Variants in HOXD3 observed in about 807,000 individuals in gnomAD.
The protein encoded by HOXD3 is homeobox D3.
HOXD3 carries 13 observed loss-of-function variants against 32.8 expected under a neutral mutation model. That is an observed-to-expected ratio of 0.40 (90% confidence interval 0.26 to 0.63). The LOEUF is 0.63. HOXD3 is among the 20% of genes least tolerant of loss of function. The probability of loss-of-function intolerance (pLI) is 0.44; values close to 1 mark genes in which losing one functional copy is unlikely to be tolerated. For synonymous variants in HOXD3, 241 were observed against 246.8 expected (o/e 0.98, Z 0.22); for missense variants, 504 against 577.1 (o/e 0.87, Z 1.30).
chr2:176,169,685 C>G, intron 3 of HOXD3, 30 bp downstream of exon 3: 1 of 1,548,254 alleles, frequency 6.5e-7, no homozygotes, highest in Non-Finnish European at 8.7e-7. Context: ...TACTGCCAGA[C>G]CAAGCCCCCT....
rs1046260559 is a variant in HOXD3, at chr2:176,159,330, G to A, written c.-181+1878G>A. 7.9e-5 allele frequency among the ~76,000 whole-genome samples: 12 copies of A among 152,306 alleles called. No homozygotes were observed. In the East Asian group the frequency reaches 1.7e-3, roughly 22 times the overall value. On this transcript the variant is annotated intron_variant, in intron 1 of 3. Coordinates refer to ENST00000683222, the MANE Select transcript of HOXD3 (RefSeq NM_006898.5). ...GCCAGGTGAACAAAAGGATGGGCTC[G>A]TAGACGGTTCTGGGGGCTCGGGCCT...
upstream of HOXD3, chr2:176,153,173 C>G: frequency 3.5e-6 from 2 of 571,250 alleles, no homozygotes. Flanking sequence ...TATTATATGG[C>G]AGGAGCTACT....
At position 176,172,051 on chromosome 2, in the gene HOXD3, G is replaced by A. The variant is rs779014581; in HGVS notation, c.1076G>A (p.Gly359Asp). 3 of 1,609,066 alleles carry A rather than the reference G, an allele frequency of 1.9e-6. No homozygotes were observed. The East Asian group carries it at 6.7e-5, about 36-fold the overall frequency. The change falls in exon 4 of 4, where the codon GGC becomes GAC. Residue 359 changes from glycine (G) to aspartate (D), a missense_variant. Gly to Asp is a moderately conservative substitution (Grantham distance 94). Coordinates refer to ENST00000683222, the MANE Select transcript of HOXD3 (RefSeq NM_006898.5). Reference protein sequence around the residue: ...ANLQGSPVYVGGNFVESMAPA... With the variant: ...ANLQGSPVYVDGNFVESMAPA... ...TTGCAGGGCAGCCCGGTGTACGTGG[G>A]CGGCAACTTCGTCGAGTCCATGGCG...
At chr2:176,152,566 G>T (rs1006795605), upstream of HOXD3, 4 of 1,544,006 alleles carry the variant, frequency 2.6e-6, no homozygotes, top group Non-Finnish European at 3.6e-6. This position sits in a 1 kb window ranked among gnomAD's most constrained non-coding sequence, Gnocchi z 5.2. Flanking sequence ...CTAACTAGTG[G>T]CCGGGCGCTG....
At chr2:176,161,511 CTG>C (rs1690802349) in intron 1 of HOXD3, among the ~76,000 whole-genome samples, 1 of 152,132 alleles carries the variant, frequency 6.6e-6, no homozygotes, top group African/African-American at 2.4e-5. Flanking sequence ...CATATTAATT[CTG>C]TGTCTTGAGC....
At position 176,171,713 on chromosome 2, in the gene HOXD3, C is replaced by T. The variant is rs755734800; in HGVS notation, c.738C>T (p.Arg246=). 1 of 1,614,136 alleles carries T rather than the reference C, an allele frequency of 6.2e-7. No individual in the cohort carries two copies. The highest frequency in any genetic ancestry group is 1.1e-5 in the South Asian group (1 of 91,078). Residue 246 remains arginine, a synonymous_variant, in exon 4 of 4, where the codon CGC becomes CGT. Coordinates refer to ENST00000683222, the MANE Select transcript of HOXD3 (RefSeq NM_006898.5). ...TCAAGATCTGGTTCCAGAACCGGCG[C>T]ATGAAGTACAAGAAGGACCAGAAGG... ...RQIKIWFQNR[R]MKYKKDQKAK... is the part of the protein sequence containing the mutation.
At chr2:176,152,560 C>G, upstream of HOXD3, 2 of 1,506,790 alleles carry the variant, frequency 1.3e-6, no homozygotes, top group Non-Finnish European at 1.8e-6. The surrounding 1 kb of genome is among the most constrained non-coding windows in gnomAD (Gnocchi z 5.2). Flanking sequence ...AGGGGCCTAA[C>G]TAGTGGCCGG....
Position 176,171,586 on chromosome 2 carries a change from C to T in HOXD3, c.611C>T (p.Ala204Val), listed in dbSNP as rs1225066883. ...CGGGTACGCACGGCATACACGAGCG[C>T]GCAGCTGGTGGAATTGGAAAAGGAA... Reference protein sequence around the residue: ...SKRVRTAYTSAQLVELEKEFH... With the variant: ...SKRVRTAYTSVQLVELEKEFH... Residue 204 changes from alanine (A) to valine (V), a missense_variant, in exon 4 of 4, where the codon GCG (alanine) becomes GTG (valine). Ala to Val is a moderately conservative substitution (Grantham distance 64). Coordinates refer to ENST00000683222, the MANE Select transcript of HOXD3 (RefSeq NM_006898.5). 3 of 1,613,644 alleles carry T rather than the reference C, an allele frequency of 1.9e-6. No homozygotes were observed. The South Asian group carries it at 3.3e-5, about 18-fold the overall frequency.
Position 176,169,283 on chromosome 2 carries a change from A to G in HOXD3, c.169A>G (p.Ser57Gly), listed in dbSNP as rs765292594. ...HQPYPPPAAASSLDTDYPGSA... is the reference protein window; with the variant it reads ...HQPYPPPAAAGSLDTDYPGSA... ...GCCCTACCCACCCCCTGCTGCTGCC[A>G]GCTCCCTGGACACTGACTATCCAGG... Residue 57 changes from serine to glycine, a missense_variant, in exon 3 of 4, where the codon AGC becomes GGC. By Grantham distance (56) the Ser-to-Gly change is moderately conservative (BLOSUM62 0). Around this residue, in one of 3 missense-constraint regions of HOXD3, gnomAD observed 181 missense variants for 172.2 expected, o/e 1.05. Coordinates refer to ENST00000683222, the MANE Select transcript of HOXD3 (RefSeq NM_006898.5). 2 of 1,613,632 alleles carry G rather than the reference A, an allele frequency of 1.2e-6. No individual in the cohort carries two copies. Among genetic ancestry groups the G allele is most frequent in the Non-Finnish European group, 1.7e-6 (2 of 1,179,908 alleles).
upstream of HOXD3, among the ~76,000 whole-genome samples, chr2:176,156,866 G>T (rs1296520135): frequency 2.6e-5 from 4 of 152,204 alleles, no homozygotes; most frequent in Non-Finnish European, 5.9e-5. Flanking sequence ...GGAAGGGCTT[G>T]CCCCAGACGC....
chr2:176,170,774 G>A (rs1018699628), intron 3 of HOXD3, among the ~76,000 whole-genome samples: 3 of 152,100 alleles, frequency 2.0e-5, no homozygotes, highest in African/African-American at 7.2e-5. Context: ...CTGGGAGGGA[G>A]TGGACAAGCA....
chr2:176,169,216 C>T lies in HOXD3; in HGVS notation c.102C>T (p.Tyr34=), dbSNP rs764816105. The part of the protein sequence containing the change: ...ENPGLFGGYG[Y]SKTTDTYGYS... ...CAGGACTGTTTGGAGGCTATGGCTA[C>T]AGCAAAACTACGGACACTTACGGCT... is the stretch of plus-strand genomic sequence containing the variant. Residue 34 remains tyrosine, a synonymous_variant, in exon 3 of 4, where the codon TAC becomes TAT. Transcript: ENST00000683222. The T allele has an allele frequency of 6.2e-7, 1 of 1,614,128 alleles. No homozygotes were observed. The highest frequency in any genetic ancestry group is 8.5e-7 in the Non-Finnish European group (1 of 1,180,020).
intron 1 of HOXD3, among the ~76,000 whole-genome samples, chr2:176,162,432 T>G (rs1263653427): frequency 6.6e-6 from 1 of 152,198 alleles, no homozygotes; most frequent in Non-Finnish European, 1.5e-5. Context: ...AGCTCTTCCT[T>G]GACAGCTCAC....
At chr2:176,156,220 C>T (rs1486479071), upstream of HOXD3, among the ~76,000 whole-genome samples, 1 of 152,130 alleles carries the variant, frequency 6.6e-6, no homozygotes, top group African/African-American at 2.4e-5. Flanking sequence ...AAGGTTAAAC[C>T]ATGTAAGGCT....
At chr2:176,162,227 T>C (rs1690831917) in intron 1 of HOXD3, among the ~76,000 whole-genome samples, 2 of 152,268 alleles carry the variant, frequency 1.3e-5, no homozygotes, top group Admixed American at 1.3e-4. Flanking sequence ...GCCTTGAAGC[T>C]GCGCGCCTGC....
upstream of HOXD3, among the ~76,000 whole-genome samples, chr2:176,156,983 C>G (rs1442557671): frequency 6.6e-6 from 1 of 151,994 alleles, no homozygotes; most frequent in East Asian, 1.9e-4. Context: ...CCGTGCCCAC[C>G]AATACATCAA....
At chr2:176,168,715 T>C (rs1241787951) in intron 2 of HOXD3, among the ~76,000 whole-genome samples, 3 of 152,200 alleles carry the variant, frequency 2.0e-5, no homozygotes, top group East Asian at 3.9e-4. Context: ...GAAATAGCTA[T>C]TAATACTGCA....
chr2:176,160,236 A>C (rs1268551346), intron 1 of HOXD3, among the ~76,000 whole-genome samples: 1 of 152,068 alleles, frequency 6.6e-6, no homozygotes, highest in East Asian at 1.9e-4. Flanking sequence ...CCGGGAAGCT[A>C]GGGGTACCCT....
intron 1 of HOXD3, among the ~76,000 whole-genome samples, chr2:176,160,620 T>G (rs1261877076): frequency 6.6e-6 from 1 of 152,208 alleles, no homozygotes; most frequent in Non-Finnish European, 1.5e-5. Flanking sequence ...CAAATATGCT[T>G]GCATTTGAAG....
Sources: gnomAD v4.1 joint callset for allele counts (sites outside exome capture counted in the v4.1 genomes callset) on GRCh38, gnomAD v4.1.1 for gene constraint, gnomAD v4.1.1 regional missense constraint, Gnocchi (gnomAD v3.1) non-coding constraint, MANE v1.5 for transcripts, NCBI Gene and HGNC (gene_info 2026-07-23, HGNC 2026-07-21) for gene names.